Variants in TRAPPC3 observed in about 807,000 individuals in gnomAD.
TRAPPC3 encodes the protein trafficking protein particle complex subunit 3, also known as trafficking protein particle complex 3.
A neutral mutation model predicts 18.2 loss-of-function variants in TRAPPC3; 5 were observed. The ratio of observed to expected loss-of-function variants is 0.28; its 90% CI spans 0.14 to 0.58. TRAPPC3 has a LOEUF of 0.58. Ranked by LOEUF, TRAPPC3 falls within the 20% of genes least tolerant of loss-of-function variation. TRAPPC3 has a pLI of 0.91. For missense variants in TRAPPC3, 176 were observed against 225.9 expected (o/e 0.78, Z 1.41); for synonymous variants, 65 against 84.2 (o/e 0.77, Z 1.25).
At chr1:36,151,081 A>C (rs1644267467), upstream of TRAPPC3, among the ~76,000 whole-genome samples, 1 of 152,112 alleles carries the variant, frequency 6.6e-6, no homozygotes, top group South Asian at 2.1e-4. Flanking sequence ...ACAGCCTCCG[A>C]GATTTTGCCT....
At chr1:36,152,625 T>C (rs1644279697), upstream of TRAPPC3, among the ~76,000 whole-genome samples, 1 of 151,858 alleles carries the variant, frequency 6.6e-6, no homozygotes, top group African/African-American at 2.4e-5. Context: ...ATTTCTTTAG[T>C]ATACTCTTTT....
Position 36,137,805 on chromosome 1 carries a change from A to G in TRAPPC3, c.414T>C (p.Ala138=). The G allele has an allele frequency of 1.2e-6, 2 of 1,613,768 alleles. No individual in the cohort carries two copies. The highest frequency in any genetic ancestry group is 1.3e-5 in the African/African-American group (1 of 75,010). ...SNLLCGVLRG[A]LEMVQMAVEA... ...AAAGAGTTGCACTCACCATCTCCAA[A>G]GCTCCCCGCAACACCCCACACAAGA... The change falls in exon 4 of 5, where the codon GCT becomes GCC. Residue 138 remains alanine (A), a synonymous_variant. Coordinates refer to ENST00000373166, the MANE Select transcript of TRAPPC3 (RefSeq NM_014408.5).
chr1:36,151,210 C>T (rs898432345), upstream of TRAPPC3, among the ~76,000 whole-genome samples: 1 of 152,108 alleles, frequency 6.6e-6, no homozygotes, highest in African/African-American at 2.4e-5. Context: ...TGATCCCCTC[C>T]TCACTCAGAT....
rs1557755999 is a variant in TRAPPC3, at chr1:36,137,191, T to C, written c.*12A>G. The C allele has an allele frequency of 6.2e-7, 1 of 1,600,198 alleles. No individual in the cohort carries two copies. On this transcript the variant is annotated 3_prime_UTR_variant, in exon 5 of 5. Coordinates refer to ENST00000373166, the MANE Select transcript of TRAPPC3 (RefSeq NM_014408.5). ...AGTGCTCCTGATGGCTATCCTCGAG[T>C]TGTAGGGATGGTTATTCCTCTCCAG...
chr1:36,138,967 C>A (rs1237047777), intron 3 of TRAPPC3, among the ~76,000 whole-genome samples: 1 of 134,272 alleles, frequency 7.4e-6, no homozygotes, highest in African/African-American at 2.8e-5. Context: ...ACCCGGGGGG[C>A]GGAGGTTGTG....
In TRAPPC3 at chr1:36,149,423, G is replaced by T; in HGVS notation, c.-45C>A. ...CACTCGCCTAGCCACGGGTTAGCTC[G>T]GCGACCCCTGCAGACGCCGGAGCCT... is the stretch of plus-strand genomic sequence containing the variant. On this transcript the variant is annotated 5_prime_UTR_variant, in exon 1 of 5. Transcript: ENST00000373166. The T allele has an allele frequency of 6.2e-7, 1 of 1,608,118 alleles. No individual in the cohort carries two copies. Among genetic ancestry groups the T allele is most frequent in the Non-Finnish European group, 8.5e-7 (1 of 1,178,260 alleles).
chr1:36,139,904 T>C, intron 2 of TRAPPC3, 85 bp from the exon 3 acceptor site: 3 of 1,564,922 alleles, frequency 1.9e-6, no homozygotes, highest in Middle Eastern at 1.7e-4. Context: ...AAAGGGAAAA[T>C]GGGGATAATC....
chr1:36,149,542 C>A, upstream of TRAPPC3: 2 of 833,728 alleles, frequency 2.4e-6, no homozygotes, highest in Non-Finnish European at 1.9e-6. Flanking sequence ...GTGGTCCGGC[C>A]GACGTGGGCA....
intron 1 of TRAPPC3, among the ~76,000 whole-genome samples, chr1:36,141,740 A>C (rs945240153): frequency 1.3e-5 from 2 of 152,078 alleles, no homozygotes; most frequent in Non-Finnish European, 2.9e-5. Flanking sequence ...CGGGCGGATC[A>C]CAAGGTCAAG....
intron 4 of TRAPPC3, 168 bp from the exon 5 acceptor site, chr1:36,137,490 C>CCAG: frequency 1.4e-6 from 1 of 697,764 alleles, no homozygotes; most frequent in Non-Finnish European, 2.4e-6. Context: ...GACAATGGCT[C>CCAG]CAACCCTTAA....
At chr1:36,151,524 T>C (rs1053662822), upstream of TRAPPC3, among the ~76,000 whole-genome samples, 1 of 152,018 alleles carries the variant, frequency 6.6e-6, no homozygotes, top group Non-Finnish European at 1.5e-5. Context: ...GGTGGGAAGA[T>C]TGCTTGAGCC....
At chr1:36,137,375 G>T in intron 4 of TRAPPC3, 53 bp from the exon 5 acceptor site, 1 of 1,581,330 alleles carries the variant, frequency 6.3e-7, no homozygotes, top group South Asian at 1.1e-5. Context: ...AGCCTCTAGG[G>T]AACCAGTGGG....
intron 2 of TRAPPC3, 64 bp from the exon 3 acceptor site, chr1:36,139,883 T>A: frequency 6.3e-7 from 1 of 1,591,316 alleles, no homozygotes; most frequent in Non-Finnish European, 8.6e-7. Context: ...GAACATAAGG[T>A]TGTTGGTGGT....
chr1:36,152,264 G>A (rs761377481), upstream of TRAPPC3, among the ~76,000 whole-genome samples: 46 of 151,782 alleles, frequency 3.0e-4, 1 homozygote, highest in Non-Finnish European at 5.4e-4. Flanking sequence ...TCTTCCCCTC[G>A]GGGAAACAGG....
chr1:36,137,940 A>G lies in TRAPPC3; in HGVS notation c.279T>C (p.Ile93=). The G allele has an allele frequency of 3.1e-6, 5 of 1,614,164 alleles. No homozygotes were observed. The highest frequency in any genetic ancestry group is 4.2e-6 in the Non-Finnish European group (5 of 1,180,020). ...FKMYLGITPS[I]TNWSPAGDEF... The stretch of plus-strand genomic sequence containing the variant: ...CATCACCAGCTGGGCTCCAATTAGT[A>G]ATGCTTGGAGTGATGCCCAAGTACA... The change falls in exon 4 of 5, where the codon ATT becomes ATC. Residue 93 remains isoleucine, a synonymous_variant. Transcript: ENST00000373166.
intron 1 of TRAPPC3, among the ~76,000 whole-genome samples, chr1:36,144,201 T>C (rs1000625234): frequency 7.0e-6 from 1 of 143,776 alleles, no homozygotes; most frequent in African/African-American, 2.6e-5. Flanking sequence ...GGCAGGAGAA[T>C]TGCTTGAACC....
At chr1:36,144,117 G>A (rs1175571118) in intron 1 of TRAPPC3, among the ~76,000 whole-genome samples, 4 of 151,622 alleles carry the variant, frequency 2.6e-5, no homozygotes, top group Non-Finnish European at 4.4e-5. Context: ...GTGAAACCCC[G>A]TCTCTACTAA....
chr1:36,154,426 G>A (rs1570111618), upstream of TRAPPC3, among the ~76,000 whole-genome samples: 1 of 152,196 alleles, frequency 6.6e-6, no homozygotes, highest in Middle Eastern at 3.4e-3. Context: ...ATTCCAGAGG[G>A]CTCTCTCCCC....
upstream of TRAPPC3, among the ~76,000 whole-genome samples, chr1:36,151,169 G>C (rs1168675538): frequency 2.6e-5 from 4 of 152,106 alleles, no homozygotes; most frequent in Non-Finnish European, 5.9e-5. Flanking sequence ...AATGAACAGT[G>C]GGGGTGGGGG....
Sources: gnomAD v4.1 joint callset for allele counts (sites outside exome capture counted in the v4.1 genomes callset) on GRCh38, gnomAD v4.1.1 for gene constraint, MANE v1.5 for transcripts, NCBI Gene and HGNC (gene_info 2026-07-23, HGNC 2026-07-21) for gene names.